The following KCTD9 variants were observed in gnomAD, a reference collection of about 807,000 sequenced individuals.
The protein encoded by KCTD9 is potassium channel tetramerization domain containing 9, also known as BTB/POZ domain-containing protein KCTD9.
KCTD9 carries 17 observed loss-of-function variants against 53.3 expected under a neutral mutation model. The ratio of observed to expected loss-of-function variants is 0.32; its 90% CI spans 0.22 to 0.48. KCTD9 has a LOEUF of 0.48. KCTD9 is among the 20% of genes least tolerant of loss of function. KCTD9 has a pLI of 0.99. For synonymous variants in KCTD9, 128 were observed against 162.7 expected (o/e 0.79, Z 1.62); for missense variants, 179 against 465.5 (o/e 0.38, Z 5.66).
chr8:25,435,330 T>C lies in KCTD9; in HGVS notation c.813+33A>G, dbSNP rs1476011615. ...GAGACTGTTCAATAGACTAAACATT[T>C]AATTTTCTCTTGTAGCCTAAAATGA... On this transcript the variant is annotated intron_variant, in intron 9 of 11. Coordinates refer to ENST00000221200, the MANE Select transcript of KCTD9 (RefSeq NM_017634.4). 2.7e-6 allele frequency: 4 copies of C among 1,491,444 alleles called. No homozygotes were observed. In the African/African-American group the frequency reaches 4.3e-5, roughly 16 times the overall value. 92.4% of individuals were successfully genotyped at this position (1,491,444 alleles called of 1,614,324 possible).
At position 25,428,423 on chromosome 8, in the gene KCTD9, C is replaced by T. The variant is rs1801875754; in HGVS notation, c.*1434G>A. The T allele has an allele frequency of 6.6e-6, 1 of 152,574 alleles. No individual in the cohort carries two copies. The highest frequency in any genetic ancestry group is 6.5e-5 in the Admixed American group (1 of 15,268). The allele number at this position is 152,574 out of a possible 1,614,324, so 9.5% of individuals were successfully genotyped here. ...GCATATGTAGATATAGAAGAATAAG[C>T]TACGTAAATACTAAAGATATGTCAT... On this transcript the variant is annotated 3_prime_UTR_variant, in exon 12 of 12. Transcript: ENST00000221200.
intron 1 of KCTD9, among the ~76,000 whole-genome samples, chr8:25,453,620 C>A (rs377182732): frequency 1.1e-4 from 17 of 149,580 alleles, no homozygotes; most frequent in African/African-American, 4.0e-4. Context: ...TGCCACTGCA[C>A]TCCAACCTGG....
rs1802104024 is a variant in KCTD9, at chr8:25,440,564, C to A, written c.311+13G>T. ...TTGCATTCTCTTTCTAACACACATA[C>A]ACACACACCTACCGTGTAGTTGTAA... On this transcript the variant is annotated intron_variant, in intron 4 of 11. Transcript: ENST00000221200. 2.6e-6 allele frequency: 4 copies of A among 1,534,852 alleles called. No homozygotes were observed. Among genetic ancestry groups the A allele is most frequent in the Non-Finnish European group, 3.6e-6 (4 of 1,108,484 alleles).
chr8:25,450,392 A>T, intron 1 of KCTD9: 1 of 984,730 alleles, frequency 1.0e-6, no homozygotes, highest in Non-Finnish European at 1.2e-6. Context: ...GGCTTACAGC[A>T]GGTCTTTGAC....
intron 1 of KCTD9, 129 bp downstream of exon 1, chr8:25,458,070 G>T (rs2117459820): frequency 1.1e-6 from 1 of 877,440 alleles, no homozygotes. Context: ...GTCCCCGAGC[G>T]CCCCCAGCCC....
chr8:25,439,166 T>C (rs1305000160), intron 6 of KCTD9, 113 bp downstream of exon 6: 2 of 825,894 alleles, frequency 2.4e-6, no homozygotes, highest in Non-Finnish European at 3.6e-6. Flanking sequence ...AGAAAAAATA[T>C]ATACTTTTAC....
In KCTD9 at chr8:25,431,846, T is replaced by C. The variant is rs140049773; in HGVS notation, c.1053+658A>G. ...GCTATCCAATTTATACCAGATTTCA[T>C]AGCTACCAGCCACATGTGGCTACTT... is the stretch of plus-strand genomic sequence containing the variant. On this transcript the variant is annotated intron_variant, in intron 11 of 11. Coordinates refer to ENST00000221200, the MANE Select transcript of KCTD9 (RefSeq NM_017634.4). Among the ~76,000 whole-genome samples, 480 of 152,250 alleles carry C rather than the reference T, an allele frequency of 3.2e-3. 3 individuals are homozygous for C. Among genetic ancestry groups the C allele is most frequent in the African/African-American group, 0.011 (452 of 41,562 alleles).
At chr8:25,433,524 G>C in intron 9 of KCTD9, 89 bp from the exon 10 acceptor site, 1 of 571,092 alleles carries the variant, frequency 1.8e-6, no homozygotes, top group Non-Finnish European at 2.9e-6. Context: ...ATAGAAAAGA[G>C]GGAAAGGCTC....
At chr8:25,447,916 C>CAGGA (rs1316031697) in intron 1 of KCTD9, among the ~76,000 whole-genome samples, 1 of 152,092 alleles carries the variant, frequency 6.6e-6, no homozygotes, top group East Asian at 1.9e-4. Context: ...CGCTTGAGCC[C>CAGGA]AGGAGTTCGA....
rs557310196 is a variant in KCTD9 at position 25,450,372 on chromosome 8, T to C, written c.49-4122A>G. On this transcript the variant is annotated intron_variant, in intron 1 of 11. Coordinates refer to ENST00000221200, the MANE Select transcript of KCTD9 (RefSeq NM_017634.4). ...TAATAACCGCCATAGGTTCAAATGGTACATTACCTGGCTTACAGCAGGTCT... is the reference window on the plus strand; with the variant it reads ...TAATAACCGCCATAGGTTCAAATGGCACATTACCTGGCTTACAGCAGGTCT... 1.4e-5 allele frequency: 14 copies of C among 985,306 alleles called. No homozygotes were observed. The East Asian group carries it at 1.6e-3, about 112-fold the overall frequency. 61.0% of individuals were successfully genotyped at this position (985,306 alleles called of 1,614,324 possible).
chr8:25,436,540 C>T, intron 6 of KCTD9, 55 bp from the exon 7 acceptor site: 1 of 1,058,894 alleles, frequency 9.4e-7, no homozygotes, highest in Non-Finnish European at 1.4e-6. Context: ...GTATTACATT[C>T]ATTTTGAATT....
intron 1 of KCTD9, among the ~76,000 whole-genome samples, chr8:25,453,835 C>T (rs1041022545): frequency 6.6e-6 from 1 of 151,982 alleles, no homozygotes; most frequent in Non-Finnish European, 1.5e-5. Context: ...ATATTATGTT[C>T]CTCTTTTTAT....
Position 25,451,871 on chromosome 8 carries a change from T to C in KCTD9, c.49-5621A>G, listed in dbSNP as rs1002313162. 9.2e-5 allele frequency among the ~76,000 whole-genome samples: 14 copies of C among 152,324 alleles called. No individual in the cohort carries two copies. In the East Asian group the frequency reaches 2.5e-3, roughly 27 times the overall value. ...AATAAATACACAAGTATTTGTGTAT[T>C]TGAATTCAACTTTTATTGCCACTTT... On this transcript the variant is annotated intron_variant, in intron 1 of 11. Coordinates refer to ENST00000221200, the MANE Select transcript of KCTD9 (RefSeq NM_017634.4).
At chr8:25,447,629 A>G (rs1802239067) in intron 1 of KCTD9, among the ~76,000 whole-genome samples, 1 of 152,162 alleles carries the variant, frequency 6.6e-6, no homozygotes, top group Non-Finnish European at 1.5e-5. Flanking sequence ...AAAGCAGAGT[A>G]CTCAGATTCT....
intron 9 of KCTD9, among the ~76,000 whole-genome samples, chr8:25,435,113 C>G (rs1269401329): frequency 6.6e-6 from 1 of 152,128 alleles, no homozygotes; most frequent in African/African-American, 2.4e-5. Context: ...AGATCAAGAA[C>G]TAATTCCAAG....
rs755940017 is a variant in KCTD9 at position 25,429,951 on chromosome 8, T to C, written c.1076A>G (p.Asp359Gly). 6.3e-7 allele frequency: 1 copy of C among 1,599,672 alleles called. No homozygotes were observed. The highest frequency in any genetic ancestry group is 1.1e-5 in the South Asian group (1 of 90,792). Reference sequence around the variant, plus strand: ...CCCTCTCAGGTTGGCTTCTTGAAGATCACACCCAGACAGATCACAATTCTG... The same window carrying C: ...CCCTCTCAGGTTGGCTTCTTGAAGACCACACCCAGACAGATCACAATTCTG... ...DLENCDLSGC[D>G]LQEANLRGSN... The change falls in exon 12 of 12, where the codon GAT (aspartate) becomes GGT (glycine). Residue 359 changes from aspartate (D) to glycine (G), a missense_variant. Asp to Gly is a moderately conservative substitution (Grantham distance 94, BLOSUM62 -1). This residue lies in a region of KCTD9 where 30 missense variants were observed against 133.2 expected (regional missense o/e 0.23). Transcript: ENST00000221200.
intron 6 of KCTD9, 46 bp from the exon 7 acceptor site, chr8:25,436,531 T>A (rs1311181020): frequency 1.6e-5 from 18 of 1,129,080 alleles, no homozygotes; most frequent in Non-Finnish European, 2.2e-5. Context: ...TTAGTGAATG[T>A]ATTACATTCA....
intron 1 of KCTD9, among the ~76,000 whole-genome samples, chr8:25,452,908 T>C (rs1802354686): frequency 2.0e-5 from 3 of 152,044 alleles, no homozygotes; most frequent in African/African-American, 7.3e-5. Context: ...GGCTCATGCC[T>C]GTAGTCGCAG....
intron 1 of KCTD9, among the ~76,000 whole-genome samples, chr8:25,451,879 A>C (rs1390592284): frequency 6.6e-6 from 1 of 152,190 alleles, no homozygotes; most frequent in Non-Finnish European, 1.5e-5. Flanking sequence ...ATTTGAATTC[A>C]ACTTTTATTG....
Sources: gnomAD v4.1 joint callset for allele counts (sites outside exome capture counted in the v4.1 genomes callset) on GRCh38, gnomAD v4.1.1 for gene constraint, gnomAD v4.1.1 regional missense constraint, MANE v1.5 for transcripts, NCBI Gene and HGNC (gene_info 2026-07-23, HGNC 2026-07-21) for gene names.